Variants in WIZ observed in about 807,000 individuals in gnomAD.
WIZ encodes the protein protein Wiz.
WIZ carries 25 observed loss-of-function variants against 140.2 expected under a neutral mutation model. The observed-to-expected ratio is 0.18, with a 90% CI of 0.13 to 0.25. The LOEUF (loss-of-function observed/expected upper bound fraction) is 0.25. WIZ is among the 10% of genes least tolerant of loss of function. The pLI is 1.00. For synonymous variants in WIZ, 1,125 were observed against 1,154.3 expected, an observed-to-expected ratio of 0.97 and a Z score of 0.51; for missense variants, 2,231 against 2,632.6, an observed-to-expected ratio of 0.85 and a Z score of 3.34.
Position 15,436,821 on chromosome 19 carries a change from G to C in WIZ, c.2725C>G (p.Pro909Ala). The change falls in exon 5 of 13, where the codon CCA (proline) becomes GCA (alanine). Residue 909 changes from proline to alanine, a missense_variant. By Grantham distance (27) the Pro-to-Ala change is conservative. Transcript: ENST00000673675. ...FPPTWAEDPG[P>A]AYGDGLGSEE... ...CTCCCCTTACCATCTCCATAGGCTG[G>C]CCCAGGGTCCTCAGCCCAGGTGGGT... is the stretch of plus-strand genomic sequence containing the variant. 6.2e-7 allele frequency: 1 copy of C among 1,601,848 alleles called. No individual in the cohort carries two copies. The highest frequency in any genetic ancestry group is 8.5e-7 in the Non-Finnish European group (1 of 1,176,146).
chr19:15,428,171 C>T lies in WIZ; in HGVS notation c.3753G>A (p.Ser1251=), dbSNP rs772444765. ...AGAAAATGCCGGCGGCTGCGGCGGC[C>T]GAGAGGTCCTGCTTCCCCCAGGGGC... ...MASPWGKQDL[S]AAAAAGIFWA... The change falls in exon 8 of 13, where the codon TCG becomes TCA. Residue 1251 remains serine (S), a synonymous_variant. Transcript: ENST00000673675. This position sits in a 1 kb window ranked among gnomAD's most constrained non-coding sequence, Gnocchi z 6.4. The T allele has an allele frequency of 1.4e-5, 21 of 1,534,378 alleles. 1 individual carries two copies. The South Asian group carries it at 1.4e-4, about 10-fold the overall frequency.
rs971367796 is a variant in WIZ, at chr19:15,421,775, T to G, written c.*1301A>C. The G allele has an allele frequency of 6.6e-6, 1 of 152,262 alleles. No homozygotes were observed. Among genetic ancestry groups the G allele is most frequent in the African/African-American group, 2.4e-5 (1 of 41,440 alleles). 9.4% of individuals were successfully genotyped at this position (152,262 alleles called of 1,614,324 possible). On this transcript the variant is annotated 3_prime_UTR_variant, in exon 13 of 13. Transcript: ENST00000673675. Reference sequence around the variant, plus strand: ...CACCCTCGCTGGTAGCTCCTGCCTTTGATAAGCTCCTCTAGCCTCAACTGC... The same window carrying G: ...CACCCTCGCTGGTAGCTCCTGCCTTGGATAAGCTCCTCTAGCCTCAACTGC...
Position 15,427,409 on chromosome 19 carries a change from G to A in WIZ, c.3939C>T (p.Tyr1313=), listed in dbSNP as rs775477975. 8.1e-6 allele frequency: 13 copies of A among 1,613,602 alleles called. No individual in the cohort carries two copies. Among genetic ancestry groups the A allele is most frequent in the African/African-American group, 4.0e-5 (3 of 74,916 alleles). ...HLRQMGVTEW[Y]VNGSPIDTLR... ...GCGTGTCGATGGGCGAGCCATTGAC[G>A]TACCACTCGGTCACGCCCATTTGCC... The change falls in exon 9 of 13, where the codon TAC becomes TAT. Residue 1313 remains tyrosine (Y), a synonymous_variant. Coordinates refer to ENST00000673675, the MANE Select transcript of WIZ (RefSeq NM_001371589.1). The surrounding 1 kb of genome is among the most constrained non-coding windows in gnomAD (Gnocchi z 6.4).
At chr19:15,438,018 C>T (rs1969580861) in intron 4 of WIZ, among the ~76,000 whole-genome samples, 1 of 152,172 alleles carries the variant, frequency 6.6e-6, no homozygotes, top group Admixed American at 6.5e-5. Context: ...CACACGCACA[C>T]ACACACACTC....
In WIZ at chr19:15,427,203, G is replaced by C; in HGVS notation, c.4145C>G (p.Pro1382Arg). The C allele has an allele frequency of 6.2e-7, 1 of 1,614,180 alleles. No homozygotes were observed. Among genetic ancestry groups the C allele is most frequent in the South Asian group, 1.1e-5 (1 of 91,082 alleles). ...TGGTGAGTGGCCCAGGGGGCTGCCC[G>C]GTGGTGGTGGCAACTTCTTGGCCAA... ...SPLAKKLPPP[P>R]GSPLGHSPTA... Residue 1382 changes from proline (P) to arginine (R), a missense_variant, in exon 9 of 13, where the codon CCG becomes CGG. Pro to Arg is a moderately radical substitution (Grantham distance 103, BLOSUM62 -2). Around this residue, in one of 15 missense-constraint regions of WIZ, gnomAD observed 393 missense variants for 451.7 expected, o/e 0.87. Transcript: ENST00000673675. The surrounding 1 kb of genome is among the most constrained non-coding windows in gnomAD (Gnocchi z 6.4).
chr19:15,430,054 A>G lies in WIZ; in HGVS notation c.2947T>C (p.Cys983Arg), dbSNP rs1326382651. Residue 983 changes from cysteine to arginine, a missense_variant, in exon 7 of 13, where the codon TGC becomes CGC. Physicochemically the swap from Cys to Arg is radical, Grantham distance 180. Around this residue, in one of 15 missense-constraint regions of WIZ, gnomAD observed 24 missense variants for 61.2 expected, o/e 0.39. Transcript: ENST00000673675. Reference protein sequence around the residue: ...SLTTCEVCGACFETRKGLSSH... With the variant: ...SLTTCEVCGARFETRKGLSSH... ...GACAGGCCCTTTCGGGTCTCAAAGC[A>G]GGCACCGCAGACCTCGCAGGTGGTC... 10 of 1,534,852 alleles carry G rather than the reference A, an allele frequency of 6.5e-6. No homozygotes were observed. Among genetic ancestry groups the G allele is most frequent in the Non-Finnish European group, 7.9e-6 (9 of 1,146,150 alleles).
At chr19:15,431,973 G>T (rs1036917095) in intron 5 of WIZ, among the ~76,000 whole-genome samples, 1 of 152,212 alleles carries the variant, frequency 6.6e-6, no homozygotes, top group African/African-American at 2.4e-5. Flanking sequence ...GTGCCAAATG[G>T]GGCCTTGGAG....
rs750338702 is a variant in WIZ, at chr19:15,428,288, C to T, written c.3636G>A (p.Pro1212=). 5.4e-5 allele frequency: 82 copies of T among 1,528,170 alleles called. 1 individual carries two copies. In the Middle Eastern group the frequency reaches 5.8e-4, roughly 11 times the overall value. 94.7% of individuals were successfully genotyped at this position (1,528,170 alleles called of 1,614,324 possible). ...LPPRRGALAH[P]GRPPPTSAAL... is the part of the protein sequence containing the mutation. ...CCGCGGAGGTGGGAGGCGGCCGCCC[C>T]GGGTGGGCCAGGGCGCCGCGCCTGG... Residue 1212 remains proline, a synonymous_variant, in exon 8 of 13, where the codon CCG becomes CCA. Transcript: ENST00000673675. The surrounding 1 kb of genome is among the most constrained non-coding windows in gnomAD (Gnocchi z 6.4).
chr19:15,435,541 A>G (rs1969488637), intron 5 of WIZ, among the ~76,000 whole-genome samples: 1 of 152,212 alleles, frequency 6.6e-6, no homozygotes, highest in Non-Finnish European at 1.5e-5. Context: ...TTGGTTGAAA[A>G]TCTAGACTCT....
rs778850522 is a variant in WIZ, at chr19:15,448,244, G to A, written c.64C>T (p.Pro22Ser). ...PDRPQGPERL[P>S]GPAPRENIEG... is the part of the protein sequence containing the mutation. ...ATGTTCTCCCTTGGCGCCGGGCCAG[G>A]CAGTCTCTCTGGGCCTTGGGGACGA... The change falls in exon 2 of 13, where the codon CCT becomes TCT. Residue 22 changes from proline to serine, a missense_variant. Physicochemically the swap from Pro to Ser is moderately conservative, Grantham distance 74. This residue lies in a region of WIZ where 85 missense variants were observed against 90.9 expected (regional missense o/e 0.94). Transcript: ENST00000673675. 9.3e-6 allele frequency: 15 copies of A among 1,613,386 alleles called. No homozygotes were observed. In the East Asian group the frequency reaches 1.6e-4, roughly 17 times the overall value.
Position 15,440,177 on chromosome 19 carries a change from A to G in WIZ, c.817T>C (p.Ser273Pro), listed in dbSNP as rs1044231286. The G allele has an allele frequency of 7.1e-5, 109 of 1,531,908 alleles. No individual in the cohort carries two copies. Among genetic ancestry groups the G allele is most frequent in the Non-Finnish European group, 8.8e-5 (101 of 1,145,132 alleles). 94.9% of individuals were successfully genotyped at this position (1,531,908 alleles called of 1,614,324 possible). A position where few individuals can be genotyped will look rare whatever the true frequency, so the allele number is the denominator to read the frequency against. The part of the protein sequence containing the change: ...TQTWTVNSEA[S>P]VERLQPLLPP... Reference sequence around the variant, plus strand: ...AGTAGCGGCTGCAGCCGCTCCACAGAAGCCTCCGAGTTCACTGTCCAGGTC... The same window carrying G: ...AGTAGCGGCTGCAGCCGCTCCACAGGAGCCTCCGAGTTCACTGTCCAGGTC... The change falls in exon 4 of 13, where the codon TCT becomes CCT. Residue 273 changes from serine (S) to proline (P), a missense_variant. Around this residue, in one of 15 missense-constraint regions of WIZ, gnomAD observed 307 missense variants for 294.1 expected, o/e 1.04. Transcript: ENST00000673675. This position sits in a 1 kb window ranked among gnomAD's most constrained non-coding sequence, Gnocchi z 6.2.
At position 15,439,405 on chromosome 19, in the gene WIZ, G is replaced by A. The variant is rs775125173; in HGVS notation, c.1589C>T (p.Pro530Leu). ...TAVDYFGKAE[P>L]SLAPMWRENP... ...CTCCCGCCACATGGGGGCCAAGGAC[G>A]GCTCAGCTTTGCCAAAGTAGTCCAC... The change falls in exon 4 of 13, where the codon CCG becomes CTG. Residue 530 changes from proline (P) to leucine (L), a missense_variant. Coordinates refer to ENST00000673675, the MANE Select transcript of WIZ (RefSeq NM_001371589.1). The surrounding 1 kb of genome is among the most constrained non-coding windows in gnomAD (Gnocchi z 7.0). 36 of 1,527,810 alleles carry A rather than the reference G, an allele frequency of 2.4e-5. 1 individual carries two copies. The highest frequency in any genetic ancestry group is 1.2e-4 in the South Asian group (10 of 83,404). The allele number at this position is 1,527,810 out of a possible 1,614,324, so 94.6% of individuals were successfully genotyped here. A position where few individuals can be genotyped will look rare whatever the true frequency, so the allele number is the denominator to read the frequency against.
Position 15,438,673 on chromosome 19 carries a change from C to T in WIZ, c.2321G>A (p.Arg774His), listed in dbSNP as rs1317298369. ...LANHVRGHLN[R>H]VGVSYNVRHF... ...GCGCACATTGTAGCTGACGCCCACG[C>T]GGTTCAGGTGGCCCCGGACGTGGTT... Residue 774 changes from arginine to histidine, a missense_variant, in exon 4 of 13, where the codon CGC (arginine) becomes CAC (histidine). This residue lies in a region of WIZ where 118 missense variants were observed against 209.1 expected (regional missense o/e 0.56). Coordinates refer to ENST00000673675, the MANE Select transcript of WIZ (RefSeq NM_001371589.1). 4 of 1,536,082 alleles carry T rather than the reference C, an allele frequency of 2.6e-6. No individual in the cohort carries two copies. Among genetic ancestry groups the T allele is most frequent in the Admixed American group, 2.0e-5 (1 of 51,012 alleles).
chr19:15,440,655 G>A lies in WIZ; in HGVS notation c.339C>T (p.Gly113=), dbSNP rs188070851. 1,126 of 1,527,238 alleles carry A rather than the reference G, an allele frequency of 7.4e-4. 9 individuals are homozygous for A. The highest frequency in any genetic ancestry group is 4.2e-4 in the Non-Finnish European group (482 of 1,140,118). 94.6% of individuals were successfully genotyped at this position (1,527,238 alleles called of 1,614,324 possible). A position where few individuals can be genotyped will look rare whatever the true frequency, so the allele number is the denominator to read the frequency against. The part of the protein sequence containing the change: ...RPGSPPPHLL[G]HFPGTPDGRG... The stretch of plus-strand genomic sequence containing the variant: ...GGCCATCAGGGGTACCTGGGAAATG[G>A]CCCAGGAGATGGGGTGGTGGGGAGC... The change falls in exon 4 of 13, where the codon GGC becomes GGT. Residue 113 remains glycine, a synonymous_variant. Transcript: ENST00000673675. This position sits in a 1 kb window ranked among gnomAD's most constrained non-coding sequence, Gnocchi z 6.2.
chr19:15,448,971 C>T (rs1274671324), intron 1 of WIZ, among the ~76,000 whole-genome samples: 1 of 151,898 alleles, frequency 6.6e-6, no homozygotes, highest in Non-Finnish European at 1.5e-5. Flanking sequence ...ACACACACAG[C>T]CTCAAGTGAC....
chr19:15,429,503 CCTGT>C, intron 7 of WIZ, 79 bp downstream of exon 7: 1 of 1,195,880 alleles, frequency 8.4e-7, no homozygotes, highest in Non-Finnish European at 1.1e-6. Flanking sequence ...CACCCTGGGC[CCTGT>C]CCCTGGGCTA....
intron 6 of WIZ, 84 bp from the exon 7 acceptor site, chr19:15,430,173 C>T: frequency 7.0e-7 from 1 of 1,430,014 alleles, no homozygotes; most frequent in Non-Finnish European, 9.1e-7. Flanking sequence ...GAGAGTCCCA[C>T]TCACCCAGGC....
chr19:15,447,994 G>T, intron 2 of WIZ, 109 bp downstream of exon 2: 3 of 1,279,490 alleles, frequency 2.3e-6, no homozygotes, highest in Non-Finnish European at 3.3e-6. Flanking sequence ...GGACCCAAGC[G>T]GAATCAGCAT....
chr19:15,444,406 C>G (rs1025863312), intron 2 of WIZ, among the ~76,000 whole-genome samples: 2 of 152,182 alleles, frequency 1.3e-5, no homozygotes, highest in African/African-American at 4.8e-5. Flanking sequence ...GGTGTCTCAA[C>G]ATCAGCACCA....
Sources: gnomAD v4.1 joint callset for allele counts (sites outside exome capture counted in the v4.1 genomes callset) on GRCh38, gnomAD v4.1.1 for gene constraint, gnomAD v4.1.1 regional missense constraint, Gnocchi (gnomAD v3.1) non-coding constraint, MANE v1.5 for transcripts, NCBI Gene and HGNC (gene_info 2026-07-23, HGNC 2026-07-21) for gene names.